The following MUC4 variants were observed in gnomAD, a reference collection of about 807,000 sequenced individuals.
MUC4 encodes the protein mucin-4.
Under a neutral mutation model 257.9 loss-of-function variants are expected in MUC4, and 202 were observed. The observed-to-expected ratio is 0.78, with a 90% confidence interval of 0.70 to 0.88. The LOEUF (loss-of-function observed/expected upper bound fraction) is 0.88, where lower values mean the gene tolerates loss of function less well. MUC4 is among the 40% of genes least tolerant of loss of function. The probability of loss-of-function intolerance (pLI) is 0.00; values close to 1 mark genes in which losing one functional copy is unlikely to be tolerated. For missense variants in MUC4, 5,976 were observed against 6,513.7 expected, an observed-to-expected ratio of 0.92 and a Z score of 2.84; for synonymous variants, 2,351 against 2,757.1, an observed-to-expected ratio of 0.85 and a Z score of 4.62.
intron 3 of MUC4, 102 bp downstream of exon 3, chr3:195,778,201 C>G: frequency 7.1e-7 from 1 of 1,411,596 alleles, no homozygotes; most frequent in Non-Finnish European, 9.5e-7. Context: ...TCGGTAAGGC[C>G]CTCCCCACCC....
rs1717866257 is a variant in MUC4 at position 195,757,339 on chromosome 3, G to T, written c.14987-11C>A. On this transcript the variant is annotated splice_polypyrimidine_tract_variant and intron_variant, in intron 17 of 24. Transcript: ENST00000463781. This position sits in a 1 kb window ranked among gnomAD's most constrained non-coding sequence, Gnocchi z 4.8. ...GCAACGTCCCATTCTCTGCCCCGGG[G>T]AAGATGAGAATGTTGAGAGCTGGGA... 8.8e-6 allele frequency: 14 copies of T among 1,584,152 alleles called. No individual in the cohort carries two copies. The highest frequency in any genetic ancestry group is 1.0e-5 in the Non-Finnish European group (12 of 1,156,386).
At chr3:195,805,315 C>T (rs1054135541) in intron 1 of MUC4, among the ~76,000 whole-genome samples, 7 of 152,180 alleles carry the variant, frequency 4.6e-5, no homozygotes, top group African/African-American at 1.4e-4. Context: ...CTCTGGTGAT[C>T]GCCACAGAAG....
rs199633370 is a variant in MUC4, at chr3:195,788,929, C to T, written c.2651G>A (p.Arg884Lys). Reference sequence around the variant, plus strand: ...AGTTGGGCTTGACTGTCCTGTCGGTCTCCCTGCAGTGGAGGCCTCAGAGAG... The same window carrying T: ...AGTTGGGCTTGACTGTCCTGTCGGTTTCCCTGCAGTGGAGGCCTCAGAGAG... Reference protein sequence around the residue: ...PTLSEASTAGRPTGQSSPTSP... With the variant: ...PTLSEASTAGKPTGQSSPTSP... Residue 884 changes from arginine to lysine, a missense_variant, in exon 2 of 25, where the codon AGA (arginine) becomes AAA (lysine). Physicochemically the swap from Arg to Lys is conservative, Grantham distance 26. Coordinates refer to ENST00000463781, the MANE Select transcript of MUC4 (RefSeq NM_018406.7). The T allele has an allele frequency of 6.2e-7, 1 of 1,613,440 alleles. No individual in the cohort carries two copies.
chr3:195,798,409 A>AATAT (rs1294575043), intron 1 of MUC4, among the ~76,000 whole-genome samples: 2 of 152,166 alleles, frequency 1.3e-5, no homozygotes, highest in Non-Finnish European at 1.5e-5. Flanking sequence ...TGCTTTAAAA[A>AATAT]ATATATAGTT....
Position 195,760,887 on chromosome 3 carries a change from G to C in MUC4, c.14845C>G (p.Leu4949Val), listed in dbSNP as rs1490537714. The C allele has an allele frequency of 1.9e-6, 3 of 1,613,810 alleles. No homozygotes were observed. The highest frequency in any genetic ancestry group is 1.7e-6 in the Non-Finnish European group (2 of 1,179,952). ...CCCCAGGCCTCGGGCCACTTACTGA[G>C]GGTGGCGTTCGCCTGCTCGTAGTTT... ...SKNYEQANAT[L>V]NQYPPSINGG... Residue 4949 changes from leucine (L) to valine (V), a missense_variant, in exon 16 of 25, where the codon CTC becomes GTC. Physicochemically the swap from Leu to Val is conservative, Grantham distance 32. Around this residue, in one of 44 missense-constraint regions of MUC4, gnomAD observed 996 missense variants for 1,137.3 expected, o/e 0.88. Transcript: ENST00000463781.
In MUC4 at chr3:195,779,531, G is replaced by C. The variant is rs761034521; in HGVS notation, c.12049C>G (p.Leu4017Val). The C allele has an allele frequency of 5.2e-5, 65 of 1,240,696 alleles. 8 individuals carry two copies. In the African/African-American group the frequency reaches 6.3e-4, roughly 12 times the overall value. The allele number at this position is 1,240,696 out of a possible 1,614,324, so 76.9% of individuals were successfully genotyped here. The change falls in exon 2 of 25, where the codon CTT becomes GTT. Residue 4017 changes from leucine (L) to valine (V), a missense_variant. Around this residue, in one of 44 missense-constraint regions of MUC4, gnomAD observed 293 missense variants for 294.5 expected, o/e 1.00. Coordinates refer to ENST00000463781, the MANE Select transcript of MUC4 (RefSeq NM_018406.7). ...SSVSTGHATP[L>V]PVTSPSSAST... ...GCTGAGGAAGGGCTGGTGACAGGAAGAGGGGTGGCGTGACCTGTAGATACT... is the reference window on the plus strand; with the variant it reads ...GCTGAGGAAGGGCTGGTGACAGGAACAGGGGTGGCGTGACCTGTAGATACT...
chr3:195,801,392 G>A (rs967147751), intron 1 of MUC4, among the ~76,000 whole-genome samples: 1 of 151,884 alleles, frequency 6.6e-6, no homozygotes, highest in African/African-American at 2.4e-5. Flanking sequence ...CCAAAGCCGT[G>A]CCCTTCATCT....
rs932762088 is a variant in MUC4 at position 195,811,918 on chromosome 3, C to G, written c.-101G>C. The G allele has an allele frequency of 8.3e-7, 1 of 1,198,750 alleles. No individual in the cohort carries two copies. The highest frequency in any genetic ancestry group is 1.5e-5 in the African/African-American group (1 of 66,428). 74.3% of individuals were successfully genotyped at this position (1,198,750 alleles called of 1,614,324 possible). A position where few individuals can be genotyped will look rare whatever the true frequency, so the allele number is the denominator to read the frequency against. On this transcript the variant is annotated 5_prime_UTR_variant, in exon 1 of 25. Coordinates refer to ENST00000463781, the MANE Select transcript of MUC4 (RefSeq NM_018406.7). ...AGCCCGTCCCCTCAGGCGGCTGGCC[C>G]GAACCAAGTGCGTTTCTCCGAAGGG...
intron 1 of MUC4, among the ~76,000 whole-genome samples, chr3:195,802,434 T>C (rs563480443): frequency 1.6e-5 from 1 of 63,242 alleles, no homozygotes; most frequent in East Asian, 7.5e-4. Context: ...TCCTCAGCTC[T>C]GAGGGCCAGG....
chr3:195,767,849 G>GCCACCATCACCCCCAACACCA, intron 7 of MUC4, among the ~76,000 whole-genome samples: 1 of 52,874 alleles, frequency 1.9e-5, no homozygotes, highest in Non-Finnish European at 3.9e-5. Context: ...CACCACCATC[G>GCCACCATCACCCCCAACACCA]CCACCATCAC....
intron 5 of MUC4, chr3:195,770,774 C>T (rs1722626422): frequency 4.5e-6 from 2 of 444,820 alleles, no homozygotes; most frequent in Admixed American, 2.4e-5. Context: ...GCACGGTCCA[C>T]ACTTCCTGCA....
At chr3:195,753,306 C>A in intron 19 of MUC4, 76 bp from the exon 20 acceptor site, 3 of 1,450,932 alleles carry the variant, frequency 2.1e-6, no homozygotes, top group Non-Finnish European at 2.9e-6. Flanking sequence ...AAACCCGCTC[C>A]GGGACAGGCT....
Position 195,784,628 on chromosome 3 carries a change from C to A in MUC4, c.6952G>T (p.Ala2318Ser). The change falls in exon 2 of 25, where the codon GCC becomes TCC. Residue 2318 changes from alanine to serine, a missense_variant. Transcript: ENST00000463781. Reference protein sequence around the residue: ...TDASSASTGHATPLPVTSLSS... With the variant: ...TDASSASTGHSTPLPVTSLSS... The stretch of plus-strand genomic sequence containing the variant: ...AGGCTGGTGACAGGAAGAGGGGTGG[C>A]GTGACCTGTGGATGCTGAGGAAGCG... 2 of 1,261,692 alleles carry A rather than the reference C, an allele frequency of 1.6e-6. No individual in the cohort carries two copies. Among genetic ancestry groups the A allele is most frequent in the East Asian group, 3.3e-5 (1 of 29,956 alleles). 78.2% of individuals were successfully genotyped at this position (1,261,692 alleles called of 1,614,324 possible).
chr3:195,774,867 T>G (rs1237475578), intron 3 of MUC4, among the ~76,000 whole-genome samples: 1 of 137,146 alleles, frequency 7.3e-6, no homozygotes, highest in East Asian at 2.2e-4. Flanking sequence ...GCCACTGCAC[T>G]CCAGCCTGGG....
At position 195,788,851 on chromosome 3, in the gene MUC4, G is replaced by T. The variant is rs1433304692; in HGVS notation, c.2729C>A (p.Thr910Asn). Residue 910 changes from threonine (T) to asparagine (N), a missense_variant, in exon 2 of 25, where the codon ACT (threonine) becomes AAT (asparagine). This residue lies in a region of MUC4 where 1,583 missense variants were observed against 1,257.4 expected (regional missense o/e 1.26). Transcript: ENST00000463781. Reference sequence around the variant, plus strand: ...CCCTCTGCTGGTTCTTGTCCTCTGAGTCTGGGCCATCCGGGAAATGGCGGC... The same window carrying T: ...CCCTCTGCTGGTTCTTGTCCTCTGATTCTGGGCCATCCGGGAAATGGCGGC... ...ETAAISRMAQ[T>N]QRTRTSRGSD... The T allele has an allele frequency of 1.2e-6, 2 of 1,613,814 alleles. No individual in the cohort carries two copies. Among genetic ancestry groups the T allele is most frequent in the Admixed American group, 1.7e-5 (1 of 59,986 alleles).
chr3:195,765,383 A>G lies in MUC4; in HGVS notation c.13685T>C (p.Leu4562Pro). ...EERPNYRLECLQWLKSQPRWP... is the reference protein window; with the variant it reads ...EERPNYRLECPQWLKSQPRWP... ...CCGAGGCTGGCTCTTCAGCCACTGCAGGCACTCGAGACGGTAGTTGGGCCT... is the reference window on the plus strand; with the variant it reads ...CCGAGGCTGGCTCTTCAGCCACTGCGGGCACTCGAGACGGTAGTTGGGCCT... The change falls in exon 9 of 25, where the codon CTG becomes CCG. Residue 4562 changes from leucine (L) to proline (P), a missense_variant. Leu to Pro is a moderately conservative substitution (Grantham distance 98). Around this residue, in one of 44 missense-constraint regions of MUC4, gnomAD observed 996 missense variants for 1,137.3 expected, o/e 0.88. Transcript: ENST00000463781. 6.2e-7 allele frequency: 1 copy of G among 1,613,440 alleles called. No individual in the cohort carries two copies. Among genetic ancestry groups the G allele is most frequent in the Non-Finnish European group, 8.5e-7 (1 of 1,180,002 alleles).
intron 11 of MUC4, 23 bp downstream of exon 11, chr3:195,764,022 T>A: frequency 6.2e-7 from 1 of 1,601,718 alleles, no homozygotes; most frequent in Non-Finnish European, 8.5e-7. Context: ...AGGCTCTTCC[T>A]GGGCCTGGGC....
At chr3:195,767,766 C>CCACCATCGCCACCATCACCCCCAA (rs1721551007) in intron 7 of MUC4, among the ~76,000 whole-genome samples, 1 of 117,836 alleles carries the variant, frequency 8.5e-6, no homozygotes, top group African/African-American at 3.6e-5. Context: ...ACCATCACCA[C>CCACCATCGCCACCATCACCCCCAA]CACCACCACC....
chr3:195,795,845 G>GC (rs1734508614), intron 1 of MUC4, among the ~76,000 whole-genome samples: 2 of 103,422 alleles, frequency 1.9e-5, no homozygotes, highest in African/African-American at 1.1e-4. Flanking sequence ...GAAAGTGGGG[G>GC]AGGGGGGTGG....
Sources: allele counts gnomAD v4.1 joint callset (sites outside exome capture counted in the v4.1 genomes callset), GRCh38; gene constraint gnomAD v4.1.1; regional missense constraint gnomAD v4.1.1; non-coding constraint Gnocchi (gnomAD v3.1); transcripts MANE v1.5; gene names NCBI Gene and HGNC (gene_info 2026-07-23, HGNC 2026-07-21).